Variants in AGPAT4 observed in about 807,000 individuals in gnomAD.
AGPAT4 encodes the protein 1-acylglycerol-3-phosphate O-acyltransferase 4, also known as 1-acyl-sn-glycerol-3-phosphate acyltransferase delta.
AGPAT4 carries 15 observed loss-of-function variants against 48.0 expected under a neutral mutation model. That is an observed-to-expected ratio of 0.31 (90% CI 0.21 to 0.48). The LOEUF is 0.48. Ranked by LOEUF, AGPAT4 falls within the 20% of genes least tolerant of loss-of-function variation. AGPAT4 has a pLI of 0.99. For synonymous variants in AGPAT4, 178 were observed against 198.7 expected, an observed-to-expected ratio of 0.90 and a Z score of 0.88; for missense variants, 314 against 482.5, an observed-to-expected ratio of 0.65 and a Z score of 3.27.
At position 161,272,919 on chromosome 6, in the gene AGPAT4, G is replaced by A. The variant is rs570377822; in HGVS notation, c.-90+1019C>T. On this transcript the variant is annotated intron_variant, in intron 1 of 8. Coordinates refer to ENST00000320285, the MANE Select transcript of AGPAT4 (RefSeq NM_020133.3). The surrounding 1 kb of genome is among the most constrained non-coding windows in gnomAD (Gnocchi z 4.2). ...AAACGAAAAACGGAGAATCCTGCCC[G>A]GCAGTTAATTTGTTACTCATACTTG... 2.0e-5 allele frequency among the ~76,000 whole-genome samples: 3 copies of A among 152,296 alleles called. No homozygotes were observed. Among genetic ancestry groups the A allele is most frequent in the African/African-American group, 4.8e-5 (2 of 41,556 alleles).
In AGPAT4 at chr6:161,233,529, C is replaced by T. The variant is rs373698659; in HGVS notation, c.-89-1227G>A. ...ATTCCACTGAAAATTTCCAGCTTTA[C>T]GATGGTGTAAAAGCAATATCCATTC... On this transcript the variant is annotated intron_variant, in intron 1 of 8. Coordinates refer to ENST00000320285, the MANE Select transcript of AGPAT4 (RefSeq NM_020133.3). This position sits in a 1 kb window ranked among gnomAD's most constrained non-coding sequence, Gnocchi z 5.4. Among the ~76,000 whole-genome samples the T allele has an allele frequency of 1.2e-4, 18 of 152,264 alleles. No individual in the cohort carries two copies. In the South Asian group the frequency reaches 1.2e-3, roughly 11 times the overall value.
rs750699459 is a variant in AGPAT4, at chr6:161,240,089, A to G, written c.-89-7787T>C. 2.4e-4 allele frequency among the ~76,000 whole-genome samples: 37 copies of G among 152,170 alleles called. No individual in the cohort carries two copies. Among genetic ancestry groups the G allele is most frequent in the Non-Finnish European group, 1.0e-4 (7 of 68,026 alleles). ...GTCACTAAAATAGGTTTGCAGTAAA[A>G]TGGATACATTTTCATTATGATATTA... On this transcript the variant is annotated intron_variant, in intron 1 of 8. Transcript: ENST00000320285. The surrounding 1 kb of genome is among the most constrained non-coding windows in gnomAD (Gnocchi z 5.5).
chr6:161,200,326 C>T lies in AGPAT4; in HGVS notation c.178+31710G>A, dbSNP rs993979227. Among the ~76,000 whole-genome samples, 3 of 152,168 alleles carry T rather than the reference C, an allele frequency of 2.0e-5. No homozygotes were observed. The highest frequency in any genetic ancestry group is 2.9e-5 in the Non-Finnish European group (2 of 68,026). On this transcript the variant is annotated intron_variant, in intron 2 of 8. Coordinates refer to ENST00000320285, the MANE Select transcript of AGPAT4 (RefSeq NM_020133.3). This position sits in a 1 kb window ranked among gnomAD's most constrained non-coding sequence, Gnocchi z 5.5. ...TGTTAACTAATATTTCACATTAAGG[C>T]CTGTGTGCCAGGTACTATAGGAAGG...
Position 161,206,163 on chromosome 6 carries a change from C to T in AGPAT4, c.178+25873G>A, listed in dbSNP as rs1781373924. 1.3e-5 allele frequency among the ~76,000 whole-genome samples: 2 copies of T among 152,174 alleles called. No homozygotes were observed. The highest frequency in any genetic ancestry group is 4.1e-4 in the South Asian group (2 of 4,826). ...AAGACCGAAAACCTCTAGACAGTAA[C>T]TGCCCTACACCAACCGAACTCATGG... On this transcript the variant is annotated intron_variant, in intron 2 of 8. Coordinates refer to ENST00000320285, the MANE Select transcript of AGPAT4 (RefSeq NM_020133.3). The surrounding 1 kb of genome is among the most constrained non-coding windows in gnomAD (Gnocchi z 4.8).
rs71558034 is a variant in AGPAT4, at chr6:161,219,916, C to CGGCAGGCA, written c.178+12112_178+12119dup. On this transcript the variant is annotated intron_variant, in intron 2 of 8. Coordinates refer to ENST00000320285, the MANE Select transcript of AGPAT4 (RefSeq NM_020133.3). This position sits in a 1 kb window ranked among gnomAD's most constrained non-coding sequence, Gnocchi z 4.9. ...GCAGGCAGGCAGGCAGGCAGGCAGG[C>CGGCAGGCA]GGCAGGCAGGCAGGCAGGCAGGCAG... 0.028 allele frequency among the ~76,000 whole-genome samples: 3,004 copies of CGGCAGGCA among 105,750 alleles called. 108 individuals are homozygous for CGGCAGGCA. The highest frequency in any genetic ancestry group is 0.1 in the Admixed American group (1,078 of 10,710). The allele number at this position is 105,750 out of a possible 152,430, so 69.4% of individuals were successfully genotyped here.
At position 161,251,684 on chromosome 6, in the gene AGPAT4, G is replaced by A. The variant is rs904743508; in HGVS notation, c.-89-19382C>T. On this transcript the variant is annotated intron_variant, in intron 1 of 8. Coordinates refer to ENST00000320285, the MANE Select transcript of AGPAT4 (RefSeq NM_020133.3). This position sits in a 1 kb window ranked among gnomAD's most constrained non-coding sequence, Gnocchi z 4.6. ...TGCCAACGTATTCCCAGGTGGGAAT[G>A]AGGGGAGCCAGGTGGATGCCAAGCC... Among the ~76,000 whole-genome samples, 4 of 152,212 alleles carry A rather than the reference G, an allele frequency of 2.6e-5. No individual in the cohort carries two copies. The highest frequency in any genetic ancestry group is 9.6e-5 in the African/African-American group (4 of 41,454).
chr6:161,172,958 A>C (rs1217815688), intron 2 of AGPAT4, among the ~76,000 whole-genome samples: 1 of 152,170 alleles, frequency 6.6e-6, no homozygotes, highest in African/African-American at 2.4e-5. Context: ...CCATATCCCT[A>C]CAAAGAACAT....
chr6:161,168,361 T>C (rs1780168923), intron 2 of AGPAT4, among the ~76,000 whole-genome samples: 3 of 151,768 alleles, frequency 2.0e-5, no homozygotes, highest in Admixed American at 6.6e-5. Flanking sequence ...TCCAAGAGAC[T>C]CACATTTCGT....
At chr6:161,250,982 T>C (rs1185424541) in intron 1 of AGPAT4, among the ~76,000 whole-genome samples, 1 of 152,218 alleles carries the variant, frequency 6.6e-6, no homozygotes, top group Non-Finnish European at 1.5e-5. Flanking sequence ...ACATCTCGCC[T>C]ATTCCATTTA....
Position 161,220,399 on chromosome 6 carries a change from A to G in AGPAT4, c.178+11637T>C, listed in dbSNP as rs1781802032. Reference sequence around the variant, plus strand: ...GTGTAACAGTAACTATGAAGAGAAAACATTACATCTGAAATGAGCTGGAGA... The same window carrying G: ...GTGTAACAGTAACTATGAAGAGAAAGCATTACATCTGAAATGAGCTGGAGA... On this transcript the variant is annotated intron_variant, in intron 2 of 8. Coordinates refer to ENST00000320285, the MANE Select transcript of AGPAT4 (RefSeq NM_020133.3). This position sits in a 1 kb window ranked among gnomAD's most constrained non-coding sequence, Gnocchi z 6.0. 6.6e-6 allele frequency among the ~76,000 whole-genome samples: 1 copy of G among 152,188 alleles called. No individual in the cohort carries two copies. Among genetic ancestry groups the G allele is most frequent in the African/African-American group, 2.4e-5 (1 of 41,446 alleles).
At chr6:161,258,345 G>A (rs1028819019) in intron 1 of AGPAT4, among the ~76,000 whole-genome samples, 1 of 152,122 alleles carries the variant, frequency 6.6e-6, no homozygotes, top group African/African-American at 2.4e-5. Context: ...CTGCAAACGG[G>A]TTGGCAGATT....
rs964626099 is a variant in AGPAT4, at chr6:161,202,548, T to C, written c.178+29488A>G. On this transcript the variant is annotated intron_variant, in intron 2 of 8. Coordinates refer to ENST00000320285, the MANE Select transcript of AGPAT4 (RefSeq NM_020133.3). This position sits in a 1 kb window ranked among gnomAD's most constrained non-coding sequence, Gnocchi z 5.4. ...GTTAGGGAAATGGGGTTTCACTTTT[T>C]TCAGGGAAGACTGTCAAAGACATAT... is the stretch of plus-strand genomic sequence containing the variant. Among the ~76,000 whole-genome samples, 1 of 152,168 alleles carries C rather than the reference T, an allele frequency of 6.6e-6. No homozygotes were observed. Among genetic ancestry groups the C allele is most frequent in the Non-Finnish European group, 1.5e-5 (1 of 68,038 alleles).
At chr6:161,207,147 T>C (rs1781398133) in intron 2 of AGPAT4, among the ~76,000 whole-genome samples, 1 of 152,214 alleles carries the variant, frequency 6.6e-6, no homozygotes, top group African/African-American at 2.4e-5. Flanking sequence ...TTATCTCTCT[T>C]TTGCAAAGAA....
rs756037707 is a variant in AGPAT4, at chr6:161,144,837, C to T, written c.843+1687G>A. 6.6e-6 allele frequency among the ~76,000 whole-genome samples: 1 copy of T among 151,938 alleles called. No individual in the cohort carries two copies. The highest frequency in any genetic ancestry group is 1.5e-5 in the Non-Finnish European group (1 of 68,006). ...CTACTAAACATACAAAAAAATTAGC[C>T]GGGCATGGTGGCGGGTGCCTGTAGT... On this transcript the variant is annotated intron_variant, in intron 7 of 8. Transcript: ENST00000320285. This position sits in a 1 kb window ranked among gnomAD's most constrained non-coding sequence, Gnocchi z 6.6.
chr6:161,186,163 TA>T (rs1780762182), intron 2 of AGPAT4, among the ~76,000 whole-genome samples: 1 of 152,150 alleles, frequency 6.6e-6, no homozygotes, highest in African/African-American at 2.4e-5. Flanking sequence ...GCTGACTGAC[TA>T]TGGGCAGCTC....
chr6:161,216,387 C>G lies in AGPAT4; in HGVS notation c.178+15649G>C, dbSNP rs961747243. On this transcript the variant is annotated intron_variant, in intron 2 of 8. Coordinates refer to ENST00000320285, the MANE Select transcript of AGPAT4 (RefSeq NM_020133.3). The surrounding 1 kb of genome is among the most constrained non-coding windows in gnomAD (Gnocchi z 4.8). ...TCTTGTCCAGGATGACAGACAACCTCTGCAACTGCCTTCTACAATCTTCAG... is the reference window on the plus strand; with the variant it reads ...TCTTGTCCAGGATGACAGACAACCTGTGCAACTGCCTTCTACAATCTTCAG... 1.3e-5 allele frequency among the ~76,000 whole-genome samples: 2 copies of G among 152,216 alleles called. No homozygotes were observed. The highest frequency in any genetic ancestry group is 2.9e-5 in the Non-Finnish European group (2 of 68,050).
At chr6:161,273,472 T>C (rs183948856) in intron 1 of AGPAT4, among the ~76,000 whole-genome samples, 3 of 152,270 alleles carry the variant, frequency 2.0e-5, no homozygotes, top group Admixed American at 2.0e-4. Flanking sequence ...GGCTGCATAT[T>C]GTGTAGTATT....
At chr6:161,211,159 T>TA (rs1392189634) in intron 2 of AGPAT4, among the ~76,000 whole-genome samples, 1 of 152,224 alleles carries the variant, frequency 6.6e-6, no homozygotes. Flanking sequence ...ACAGTTTCCA[T>TA]AAATAATCTA....
In AGPAT4 at chr6:161,245,373, T is replaced by A. The variant is rs538313668; in HGVS notation, c.-89-13071A>T. ...AGGGCAGATGCTTAGGCATTGGATA[T>A]CAGTCCCAGTTTTATGGTTCTGGAA... On this transcript the variant is annotated intron_variant, in intron 1 of 8. Transcript: ENST00000320285. This position sits in a 1 kb window ranked among gnomAD's most constrained non-coding sequence, Gnocchi z 5.2. 6.6e-6 allele frequency among the ~76,000 whole-genome samples: 1 copy of A among 152,332 alleles called. No individual in the cohort carries two copies. The highest frequency in any genetic ancestry group is 2.1e-4 in the South Asian group (1 of 4,814).
Sources: allele counts gnomAD v4.1 joint callset (sites outside exome capture counted in the v4.1 genomes callset), GRCh38; gene constraint gnomAD v4.1.1; non-coding constraint Gnocchi (gnomAD v3.1); transcripts MANE v1.5; gene names NCBI Gene and HGNC (gene_info 2026-07-23, HGNC 2026-07-21).